TMPRSS9: variants seen among roughly 807,000 people sequenced by gnomAD.
The protein encoded by TMPRSS9 is transmembrane protease serine 9.
In TMPRSS9, 113 loss-of-function variants were observed where a neutral mutation model predicts 111.4. That is an observed-to-expected ratio of 1.01 (90% CI 0.87 to 1.19). The LOEUF (loss-of-function observed/expected upper bound fraction) is 1.19. Ranked by LOEUF, TMPRSS9 falls within the 50% of genes most tolerant of loss-of-function variation. The pLI is 0.00. For synonymous variants in TMPRSS9, 805 were observed against 659.1 expected, an observed-to-expected ratio of 1.22 and a Z score of -3.39; for missense variants, 1,803 against 1,513.1, an observed-to-expected ratio of 1.19 and a Z score of -3.18.
chr19:2,417,466 CAAAA>C (rs61320761), intron 12 of TMPRSS9, among the ~76,000 whole-genome samples: 2 of 106,986 alleles, frequency 1.9e-5, no homozygotes. Context: ...ACTCCCATCT[CAAAA>C]AAAAAAAAAA....
intron 1 of TMPRSS9, among the ~76,000 whole-genome samples, chr19:2,379,767 C>A (rs1017713933): frequency 7.4e-6 from 1 of 135,108 alleles, no homozygotes; most frequent in Non-Finnish European, 1.5e-5. Context: ...TCTTTTCTCT[C>A]TTTCTTTCTC....
chr19:2,379,856 A>G (rs1036091134), intron 1 of TMPRSS9, among the ~76,000 whole-genome samples: 2 of 150,536 alleles, frequency 1.3e-5, no homozygotes, highest in African/African-American at 4.9e-5. Context: ...TCCTTGGCTC[A>G]CTGATCCTCA....
exon 9 of TMPRSS9, chr19:2,410,338 C>T: frequency 6.2e-7 from 1 of 1,614,104 alleles, no homozygotes; most frequent in Non-Finnish European, 8.5e-7. Context: ...CGGCCATTCA[C>T]TCACTGACAG....
chr19:2,395,362 G>T (rs1970684558), intron 1 of TMPRSS9, among the ~76,000 whole-genome samples: 1 of 152,174 alleles, frequency 6.6e-6, no homozygotes, highest in African/African-American at 2.4e-5. Flanking sequence ...GAACCCGGGA[G>T]ATGGAGGTTG....
chr19:2,364,248 G>A (rs1970230448), intron 1 of TMPRSS9, among the ~76,000 whole-genome samples: 1 of 152,178 alleles, frequency 6.6e-6, no homozygotes, highest in Non-Finnish European at 1.5e-5. Flanking sequence ...AAATTTAGAA[G>A]CCCAAGAATG....
chr19:2,363,640 T>C (rs1970221551), intron 1 of TMPRSS9, among the ~76,000 whole-genome samples: 2 of 150,708 alleles, frequency 1.3e-5, no homozygotes, highest in South Asian at 4.2e-4. Flanking sequence ...GTGCCGACAC[T>C]GGGGCAGGGT....
At chr19:2,410,994 A>G (rs1200148526) in intron 9 of TMPRSS9, among the ~76,000 whole-genome samples, 5 of 152,060 alleles carry the variant, frequency 3.3e-5, no homozygotes, top group African/African-American at 9.7e-5. Flanking sequence ...AGTGAGCTGC[A>G]GGCTCAACTC....
chr19:2,370,028 C>T (rs114764821), intron 1 of TMPRSS9, among the ~76,000 whole-genome samples: 4,970 of 151,992 alleles, frequency 0.033, 302 homozygotes, highest in African/African-American at 0.11. Context: ...GGCAATATAG[C>T]GAAACCCCTT....
intron 8 of TMPRSS9, among the ~76,000 whole-genome samples, chr19:2,409,204 G>A (rs569013815): frequency 7.5e-5 from 11 of 147,120 alleles, no homozygotes; most frequent in Admixed American, 3.4e-4. Context: ...GCAGTGGTGC[G>A]ATCTCTGCTC....
At chr19:2,404,703 G>C (rs547119554) in intron 6 of TMPRSS9, among the ~76,000 whole-genome samples, 15 of 152,220 alleles carry the variant, frequency 9.9e-5, no homozygotes, top group African/African-American at 3.6e-4. Flanking sequence ...CGCCGAGGCA[G>C]GCAGATCACT....
intron 4 of TMPRSS9, 67 bp from the exon 6 acceptor site, chr19:2,401,908 A>G: frequency 7.2e-7 from 1 of 1,393,270 alleles, no homozygotes. Flanking sequence ...GCGCCCGGCC[A>G]ATAGGATGTG....
In TMPRSS9 at chr19:2,425,997, G is replaced by A; in HGVS notation, c.3191G>A (p.Trp1064Ter). ...TGGGTGCTAACTGGGGTCACTAGCTGGGGCTATGGCTGTGGCCGGCCCCAC... is the reference window on the plus strand; with the variant it reads ...TGGGTGCTAACTGGGGTCACTAGCTAGGGCTATGGCTGTGGCCGGCCCCAC... The change falls in exon 18 of 18, where the codon TGG (tryptophan) becomes TAG (stop). Residue 1064 changes from tryptophan (W) to a stop codon, truncating the protein, a stop_gained. Coordinates refer to ENST00000648592, the Ensembl canonical transcript of TMPRSS9. LOFTEE classifies it high-confidence loss of function. The A allele has an allele frequency of 6.2e-7, 1 of 1,607,220 alleles. No homozygotes were observed. Among genetic ancestry groups the A allele is most frequent in the Non-Finnish European group, 8.5e-7 (1 of 1,177,772 alleles).
At chr19:2,363,458 C>G (rs73522364) in intron 1 of TMPRSS9, among the ~76,000 whole-genome samples, 18,681 of 150,606 alleles carry the variant, frequency 0.12, 1,319 homozygotes, top group African/African-American at 0.16. Context: ...CAAAGGCGTC[C>G]CTTCTCTGAT....
intron 6 of TMPRSS9, 33 bp downstream of exon 7, chr19:2,403,228 C>T (rs746733155): frequency 1.0e-5 from 16 of 1,551,346 alleles, no homozygotes; most frequent in Non-Finnish European, 1.3e-5. Context: ...GTCTCTGGGC[C>T]CCTTCCCTTT....
chr19:2,380,987 G>A (rs547989356), intron 1 of TMPRSS9, among the ~76,000 whole-genome samples: 10 of 151,992 alleles, frequency 6.6e-5, no homozygotes, highest in Non-Finnish European at 1.3e-4. Flanking sequence ...CCCTGACGGC[G>A]TGTCTAAATC....
chr19:2,421,894 G>T lies in TMPRSS9; in HGVS notation c.2195G>T (p.Gly732Val), dbSNP rs377167838. The stretch of plus-strand genomic sequence containing the variant: ...CCCCTGGCCTGCGAGGAGGCCCCTG[G>T]CGTGTTTTATCTGGCAGGGATCGTG... The change falls in exon 14 of 18, where the codon GGC (glycine) becomes GTC (valine). Residue 732 changes from glycine to valine, a missense_variant. By Grantham distance (109) the Gly-to-Val change is moderately radical. Transcript: ENST00000648592. The T allele has an allele frequency of 9.3e-6, 15 of 1,612,336 alleles. No homozygotes were observed. The highest frequency in any genetic ancestry group is 1.3e-5 in the African/African-American group (1 of 75,058).
At chr19:2,380,060 T>C (rs976531042) in intron 1 of TMPRSS9, among the ~76,000 whole-genome samples, 1 of 152,020 alleles carries the variant, frequency 6.6e-6, no homozygotes, top group African/African-American at 2.4e-5. Context: ...CTGGTTGTAA[T>C]TAACTTTAGT....
intron 8 of TMPRSS9, among the ~76,000 whole-genome samples, chr19:2,409,344 G>C (rs879615551): frequency 1.3e-5 from 2 of 151,808 alleles, no homozygotes; most frequent in Non-Finnish European, 2.9e-5. Context: ...AAGTTTCACC[G>C]TGTTGGCCGG....
At chr19:2,382,794 C>A (rs898391196) in intron 1 of TMPRSS9, among the ~76,000 whole-genome samples, 1 of 152,138 alleles carries the variant, frequency 6.6e-6, no homozygotes, top group Non-Finnish European at 1.5e-5. Flanking sequence ...TGCACACCCG[C>A]ACACAGACTC....
Sources: allele counts gnomAD v4.1 joint callset (sites outside exome capture counted in the v4.1 genomes callset), GRCh38; gene constraint gnomAD v4.1.1; transcripts MANE v1.5; gene names NCBI Gene and HGNC (gene_info 2026-07-23, HGNC 2026-07-21).